The following PDE4D variants were observed in gnomAD, a reference collection of about 807,000 sequenced individuals.
PDE4D encodes the protein phosphodiesterase 4D.
In PDE4D, 24 loss-of-function variants were observed where a neutral mutation model predicts 87.4. The observed-to-expected ratio is 0.27, with a 90% CI of 0.20 to 0.39. The LOEUF is 0.39. Among genes scored for constraint, PDE4D ranks in the 10% least tolerant of loss-of-function variants. The pLI is 1.00. For missense variants in PDE4D, 714 were observed against 1,041.0 expected (o/e 0.69, Z 4.32); for synonymous variants, 384 against 383.2 (o/e 1.00, Z -0.02).
At chr5:60,051,348 A>G (rs1049656572) in intron 2 of PDE4D, among the ~76,000 whole-genome samples, 11 of 152,216 alleles carry the variant, frequency 7.2e-5, no homozygotes, top group African/African-American at 2.7e-4. Context: ...AGTCTCTCAG[A>G]CCACAGTGCA....
chr5:59,641,352 CA>C (rs1741552117), intron 1 of PDE4D, among the ~76,000 whole-genome samples: 1 of 152,142 alleles, frequency 6.6e-6, no homozygotes. Context: ...ACCATCACCA[CA>C]AGCAAGGGAA....
intron 1 of PDE4D, chr5:59,558,754 C>A (rs1819420611): frequency 6.6e-6 from 1 of 152,126 alleles, no homozygotes; most frequent in Non-Finnish European, 1.5e-5. Flanking sequence ...GTCAAAGAAG[C>A]TCTTATCTCT....
intron 1 of PDE4D, among the ~76,000 whole-genome samples, chr5:60,293,468 G>C (rs964004130): frequency 3.3e-5 from 5 of 151,912 alleles, no homozygotes; most frequent in African/African-American, 1.2e-4. Context: ...GAGCAGAGAC[G>C]GCGCCACTGC....
At chr5:60,243,023 C>A (rs1299667085) in intron 1 of PDE4D, among the ~76,000 whole-genome samples, 2 of 151,506 alleles carry the variant, frequency 1.3e-5, no homozygotes, top group Non-Finnish European at 2.9e-5. Flanking sequence ...AAGGAAAATA[C>A]AAAAGATCCA....
chr5:60,387,305 A>C (rs898616242), intron 1 of PDE4D, among the ~76,000 whole-genome samples: 2 of 152,214 alleles, frequency 1.3e-5, no homozygotes, highest in African/African-American at 4.8e-5. Flanking sequence ...CCTCATAAGA[A>C]ACAATGTAAA....
chr5:59,988,514 A>T (rs1365648315), exon 3 of PDE4D: 1 of 1,598,578 alleles, frequency 6.3e-7, no homozygotes, highest in East Asian at 2.2e-5. Flanking sequence ...AAGTGATAGC[A>T]ATCAGCGGCA....
chr5:59,689,730 G>A (rs988525549), intron 1 of PDE4D, among the ~76,000 whole-genome samples: 22 of 152,252 alleles, frequency 1.4e-4, no homozygotes, highest in African/African-American at 4.8e-4. Context: ...GGGCAATCAG[G>A]CAGGAGAAAG....
At chr5:60,156,090 T>C (rs1781949514) in intron 2 of PDE4D, among the ~76,000 whole-genome samples, 1 of 152,154 alleles carries the variant, frequency 6.6e-6, no homozygotes, top group Admixed American at 6.5e-5. Flanking sequence ...TCAGAGTTAC[T>C]AGGGTAAGAG....
At chr5:59,538,242 T>C (rs368489361) in intron 1 of PDE4D, among the ~76,000 whole-genome samples, 1 of 152,110 alleles carries the variant, frequency 6.6e-6, no homozygotes, top group African/African-American at 2.4e-5. Flanking sequence ...ACTGTAAAAG[T>C]TTTTTGGCTT....
chr5:59,551,937 C>A (rs79685547), intron 1 of PDE4D, among the ~76,000 whole-genome samples: 39 of 152,030 alleles, frequency 2.6e-4, no homozygotes, highest in African/African-American at 9.4e-4. Flanking sequence ...AAGAATTGGC[C>A]GGGCACAGTG....
intron 1 of PDE4D, among the ~76,000 whole-genome samples, chr5:59,686,643 A>T (rs556047223): frequency 3.4e-4 from 52 of 152,202 alleles, no homozygotes; most frequent in Non-Finnish European, 5.9e-4. Context: ...AAGCAAAGAA[A>T]TGTCACTGAT....
Position 60,332,743 on chromosome 5 carries a change from T to G in PDE4D, c.-89-147056A>C, listed in dbSNP as rs544729261. On this transcript the variant is annotated intron_variant, in intron 1 of 16. Coordinates refer to the PDE4D transcript ENST00000502484. ...CAGTGGCCATATGTAGCTATGGCTA[T>G]GAGTTATTTATCACTCAGTGGTTAT... Among the ~76,000 whole-genome samples, 39 of 152,356 alleles carry G rather than the reference T, an allele frequency of 2.6e-4. No individual in the cohort carries two copies. The Middle Eastern group carries it at 0.01, about 40-fold the overall frequency.
intron 5 of PDE4D, chr5:59,039,456 C>G: frequency 1.0e-6 from 1 of 992,242 alleles, no homozygotes; most frequent in Non-Finnish European, 1.2e-6. Context: ...CCTGCCGAGC[C>G]TTCTGCACGG....
intron 1 of PDE4D, among the ~76,000 whole-genome samples, chr5:60,287,399 GGCACCATTGCTT>G (rs1752514982): frequency 6.6e-6 from 1 of 152,118 alleles, no homozygotes; most frequent in Admixed American, 6.6e-5. Flanking sequence ...CAGGCCTTAG[GGCACCATTGCTT>G]GCCTCTTGTA....
intron 1 of PDE4D, among the ~76,000 whole-genome samples, chr5:60,483,331 GAAAATTAATATATTTC>G (rs1190124824): frequency 3.9e-5 from 6 of 152,052 alleles, no homozygotes; most frequent in African/African-American, 1.4e-4. Flanking sequence ...ACCCAGCCAA[GAAAATTAATATATTTC>G]TACCCAGTAC....
At chr5:60,296,823 C>G (rs1753437004) in intron 1 of PDE4D, among the ~76,000 whole-genome samples, 1 of 152,044 alleles carries the variant, frequency 6.6e-6, no homozygotes, top group South Asian at 2.1e-4. Flanking sequence ...CCATCATTCT[C>G]AGCAAACTAA....
intron 2 of PDE4D, among the ~76,000 whole-genome samples, chr5:59,214,918 T>A (rs898888682): frequency 6.6e-6 from 1 of 152,156 alleles, no homozygotes; most frequent in Non-Finnish European, 1.5e-5. Flanking sequence ...TCTTATAAGA[T>A]AAATTGCAGC....
chr5:59,947,050 G>T (rs142586252), intron 3 of PDE4D, among the ~76,000 whole-genome samples: 1 of 152,158 alleles, frequency 6.6e-6, no homozygotes, highest in East Asian at 1.9e-4. Flanking sequence ...AAAATGTCAG[G>T]CTCCTAATAA....
intron 1 of PDE4D, among the ~76,000 whole-genome samples, chr5:60,360,134 A>G (rs1759940114): frequency 6.6e-6 from 1 of 152,172 alleles, no homozygotes; most frequent in Admixed American, 6.5e-5. Context: ...GGTCTCCTCT[A>G]TCTGTGACCT....
Sources: gnomAD v4.1 joint callset for allele counts (sites outside exome capture counted in the v4.1 genomes callset) on GRCh38, gnomAD v4.1.1 for gene constraint, MANE v1.5 for transcripts, NCBI Gene and HGNC (gene_info 2026-07-23, HGNC 2026-07-21) for gene names.